Variants in ARID5B observed in about 807,000 individuals in gnomAD.
ARID5B encodes AT-rich interaction domain 5B.
In ARID5B, 13 loss-of-function variants were observed where a neutral mutation model predicts 97.2. The ratio of observed to expected loss-of-function variants is 0.13; its 90% CI spans 0.09 to 0.21. ARID5B has a LOEUF of 0.21. ARID5B is among the 10% of genes least tolerant of loss of function. The pLI is 1.00. For synonymous variants in ARID5B, 556 were observed against 570.3 expected (o/e 0.97, Z 0.36); for missense variants, 1,210 against 1,465.3 (o/e 0.83, Z 2.84).
chr10:62,028,245 T>G (rs1177524015), intron 4 of ARID5B, among the ~76,000 whole-genome samples: 27 of 152,186 alleles, frequency 1.8e-4, no homozygotes, highest in Admixed American at 1.8e-3. Context: ...ATGTGGGGGA[T>G]AGGGAGAAGA....
At chr10:62,047,865 G>A (rs1431953599) in intron 4 of ARID5B, among the ~76,000 whole-genome samples, 2 of 152,170 alleles carry the variant, frequency 1.3e-5, no homozygotes. Flanking sequence ...TTTACCTGGA[G>A]TCTTCTGAAT....
chr10:62,008,344 C>T (rs552404399), intron 4 of ARID5B, among the ~76,000 whole-genome samples: 5 of 152,262 alleles, frequency 3.3e-5, no homozygotes, highest in South Asian at 4.1e-4. Flanking sequence ...GCTCAGTGTC[C>T]GTGCTCTTTG....
intron 4 of ARID5B, among the ~76,000 whole-genome samples, chr10:62,033,169 C>G (rs1159104024): frequency 9.2e-5 from 14 of 152,178 alleles, no homozygotes; most frequent in Admixed American, 9.2e-4. Context: ...TCCAATGATT[C>G]CAATGAGCCT....
At chr10:62,078,827 G>A (rs978911324) in intron 8 of ARID5B, among the ~76,000 whole-genome samples, 3 of 152,186 alleles carry the variant, frequency 2.0e-5, no homozygotes, top group African/African-American at 7.2e-5. Flanking sequence ...GGAAGCTTGG[G>A]CTTGGTAAGA....
intron 3 of ARID5B, among the ~76,000 whole-genome samples, chr10:61,947,033 C>G (rs898284899): frequency 6.6e-6 from 1 of 152,298 alleles, no homozygotes; most frequent in African/African-American, 2.4e-5. Flanking sequence ...AGGATTTTCT[C>G]TCTGACAATA....
chr10:62,026,927 C>A (rs1260528205), intron 4 of ARID5B, among the ~76,000 whole-genome samples: 1 of 152,140 alleles, frequency 6.6e-6, no homozygotes, highest in African/African-American at 2.4e-5. Context: ...TTAAAATAGG[C>A]AACTTCAGCC....
intron 2 of ARID5B, among the ~76,000 whole-genome samples, chr10:61,936,152 T>G (rs1248419575): frequency 6.6e-6 from 1 of 152,236 alleles, no homozygotes. Flanking sequence ...ATCTTGACTT[T>G]TATTTTTCTG....
chr10:61,904,546 C>T (rs1843675526), intron 2 of ARID5B, among the ~76,000 whole-genome samples: 1 of 152,264 alleles, frequency 6.6e-6, no homozygotes, highest in East Asian at 1.9e-4. Flanking sequence ...ATGAGCCATA[C>T]CTGAGAAAAT....
At chr10:62,021,127 A>T (rs1014543203) in intron 4 of ARID5B, among the ~76,000 whole-genome samples, 1 of 150,524 alleles carries the variant, frequency 6.6e-6, no homozygotes, top group African/African-American at 2.4e-5. Flanking sequence ...AACACAAAAC[A>T]ATCATCCTGA....
chr10:61,938,583 T>G (rs1225756481), intron 2 of ARID5B, among the ~76,000 whole-genome samples: 2 of 152,152 alleles, frequency 1.3e-5, no homozygotes, highest in Non-Finnish European at 2.9e-5. Context: ...AAGAGGATGG[T>G]GTGGTGAATC....
intron 4 of ARID5B, chr10:62,049,270 C>A (rs979337644): frequency 7.0e-7 from 1 of 1,421,266 alleles, no homozygotes; most frequent in African/African-American, 1.4e-5. Context: ...CCCACACACT[C>A]GGTGCTAGTC....
chr10:62,041,986 AAG>A lies in ARID5B; in HGVS notation c.734-8894_734-8893del, dbSNP rs984959839. ...TTTATTGATTGTAACAAAAAGAAAAAAGAGAGAGACAAAAAATTAACTCTCTT... is the reference window on the plus strand; with the variant it reads ...TTTATTGATTGTAACAAAAAGAAAAAAGAGAGACAAAAAATTAACTCTCTT... On this transcript the variant is annotated intron_variant, in intron 4 of 9. Coordinates refer to ENST00000279873, the MANE Select transcript of ARID5B (RefSeq NM_032199.3). Among the ~76,000 whole-genome samples, 4 of 152,246 alleles carry A rather than the reference AAG, an allele frequency of 2.6e-5. No individual in the cohort carries two copies. The East Asian group carries it at 5.8e-4, about 22-fold the overall frequency.
At chr10:61,962,247 C>T (rs1445252556) in intron 3 of ARID5B, among the ~76,000 whole-genome samples, 1 of 152,228 alleles carries the variant, frequency 6.6e-6, no homozygotes, top group East Asian at 1.9e-4. Context: ...GAACAACCCC[C>T]TTGCCCAAGC....
At chr10:62,006,171 G>A (rs1335094122) in intron 4 of ARID5B, among the ~76,000 whole-genome samples, 1 of 152,212 alleles carries the variant, frequency 6.6e-6, no homozygotes, top group Non-Finnish European at 1.5e-5. Context: ...GCTGGGCGTG[G>A]TGGTTCACAC....
chr10:62,087,282 G>A, intron 9 of ARID5B, among the ~76,000 whole-genome samples: 1 of 85,360 alleles, frequency 1.2e-5, no homozygotes, highest in Admixed American at 2.7e-4. Flanking sequence ...CTGGGTGACA[G>A]AGAGAGACTC....
rs554636672 is a variant in ARID5B, at chr10:62,094,317, G to A, written c.*1287G>A. 2.9e-4 allele frequency: 68 copies of A among 231,068 alleles called. No homozygotes were observed. Among genetic ancestry groups the A allele is most frequent in the African/African-American group, 1.5e-3 (66 of 45,344 alleles). 14.3% of individuals were successfully genotyped at this position (231,068 alleles called of 1,614,324 possible). On this transcript the variant is annotated 3_prime_UTR_variant, in exon 10 of 10. Transcript: ENST00000279873. ...CTTCTCTAGCCTCGGTCTTTTGAGTGATAAGTAGTCATGTTGTTTTCATCC... is the reference window on the plus strand; with the variant it reads ...CTTCTCTAGCCTCGGTCTTTTGAGTAATAAGTAGTCATGTTGTTTTCATCC...
intron 8 of ARID5B, among the ~76,000 whole-genome samples, chr10:62,073,163 T>C (rs1840087486): frequency 1.3e-5 from 2 of 152,142 alleles, no homozygotes; most frequent in African/African-American, 4.8e-5. Flanking sequence ...AGGCTGCGGG[T>C]TCTTCTGTTC....
chr10:61,983,221 G>A (rs183897566), intron 3 of ARID5B, among the ~76,000 whole-genome samples: 1 of 152,202 alleles, frequency 6.6e-6, no homozygotes, highest in East Asian at 1.9e-4. Flanking sequence ...GAGAATTAGG[G>A]GAAGATGAAT....
intron 3 of ARID5B, among the ~76,000 whole-genome samples, chr10:61,969,699 C>T (rs893893472): frequency 2.0e-5 from 3 of 152,182 alleles, no homozygotes; most frequent in East Asian, 1.9e-4. Flanking sequence ...TTTAGTGACA[C>T]TTTACCCAAC....
Sources: allele counts gnomAD v4.1 joint callset (sites outside exome capture counted in the v4.1 genomes callset), GRCh38; gene constraint gnomAD v4.1.1; transcripts MANE v1.5; gene names NCBI Gene and HGNC (gene_info 2026-07-23, HGNC 2026-07-21).